Variants in EDNRB observed in about 807,000 individuals in gnomAD.
EDNRB encodes Hirschsprung disease 2.
Under a neutral mutation model 46.4 loss-of-function variants are expected in EDNRB, and 18 were observed. The observed-to-expected ratio is 0.39, with a 90% CI of 0.27 to 0.57. The LOEUF is 0.57. Ranked by LOEUF, EDNRB falls within the 20% of genes least tolerant of loss-of-function variation. The pLI is 0.61. For missense variants in EDNRB, 434 were observed against 537.5 expected (o/e 0.81, Z 1.90); for synonymous variants, 213 against 204.9 (o/e 1.04, Z -0.34).
At chr13:77,924,919 C>T (rs1213425044) in intron 1 of EDNRB, among the ~76,000 whole-genome samples, 1 of 152,204 alleles carries the variant, frequency 6.6e-6, no homozygotes, top group East Asian at 1.9e-4. Context: ...TTGCCTTCCA[C>T]CATGATTGTG....
At chr13:77,936,243 T>C (rs906541658) in intron 1 of EDNRB, among the ~76,000 whole-genome samples, 9 of 152,122 alleles carry the variant, frequency 5.9e-5, no homozygotes, top group Non-Finnish European at 4.4e-5. Context: ...CAATGAGGTG[T>C]GGCTGTAGCC....
chr13:77,902,675 C>T (rs12720186), intron 3 of EDNRB, among the ~76,000 whole-genome samples: 2 of 152,006 alleles, frequency 1.3e-5, no homozygotes, highest in African/African-American at 2.4e-5. Context: ...CGGTCCAACC[C>T]TACCCAATAG....
chr13:77,922,968 T>C (rs1471261322), upstream of EDNRB, among the ~76,000 whole-genome samples: 2 of 152,228 alleles, frequency 1.3e-5, no homozygotes, highest in Non-Finnish European at 2.9e-5. Flanking sequence ...TATCAGCTTC[T>C]ATAACTAAAA....
At chr13:77,928,453 C>T (rs1880299946) in intron 1 of EDNRB, among the ~76,000 whole-genome samples, 1 of 152,026 alleles carries the variant, frequency 6.6e-6, no homozygotes, top group African/African-American at 2.4e-5. Context: ...TTTCATGATA[C>T]TATTTTTTTG....
chr13:77,914,742 T>C (rs1263758553), intron 1 of EDNRB, among the ~76,000 whole-genome samples: 1 of 152,212 alleles, frequency 6.6e-6, no homozygotes, highest in Non-Finnish European at 1.5e-5. Context: ...AGATCAGACA[T>C]GTTTCCCAAT....
At position 77,897,036 on chromosome 13, in the gene EDNRB, G is replaced by T. The variant is rs1878664626; in HGVS notation, c.*1164C>A. The T allele has an allele frequency of 1.0e-6, 1 of 986,692 alleles. No individual in the cohort carries two copies. Among genetic ancestry groups the T allele is most frequent in the African/African-American group, 1.7e-5 (1 of 57,226 alleles). 61.1% of individuals were successfully genotyped at this position (986,692 alleles called of 1,614,324 possible). ...AGCTGTTAAATGTACTAATCTGTATGATTTTGAAAAATAGTATTTTAACTA... is the reference window on the plus strand; with the variant it reads ...AGCTGTTAAATGTACTAATCTGTATTATTTTGAAAAATAGTATTTTAACTA... On this transcript the variant is annotated 3_prime_UTR_variant, in exon 7 of 7. Transcript: ENST00000646607.
At chr13:77,902,835 T>C (rs1435736473) in intron 3 of EDNRB, among the ~76,000 whole-genome samples, 1 of 152,020 alleles carries the variant, frequency 6.6e-6, no homozygotes, top group East Asian at 1.9e-4. Flanking sequence ...GCCTGAGTGC[T>C]ATTTTCACTT....
At chr13:77,948,533 T>C (rs997692745) in intron 1 of EDNRB, among the ~76,000 whole-genome samples, 4 of 152,164 alleles carry the variant, frequency 2.6e-5, no homozygotes, top group Admixed American at 1.3e-4. Context: ...TTAAGAGGCT[T>C]TGCAAATGGA....
chr13:77,956,018 G>C (rs1315536920), intron 1 of EDNRB, among the ~76,000 whole-genome samples: 1 of 151,990 alleles, frequency 6.6e-6, no homozygotes, highest in Non-Finnish European at 1.5e-5. Context: ...GGGGTCTTTT[G>C]TGGCTCCAAA....
At chr13:77,911,596 A>C (rs1045820887) in intron 1 of EDNRB, among the ~76,000 whole-genome samples, 1 of 151,970 alleles carries the variant, frequency 6.6e-6, no homozygotes, top group African/African-American at 2.4e-5. Flanking sequence ...GAAATGCTTC[A>C]ATCAATTTTG....
chr13:77,896,991 T>C lies in EDNRB; in HGVS notation c.*1209A>G. 1 of 991,640 alleles carries C rather than the reference T, an allele frequency of 1.0e-6. No individual in the cohort carries two copies. The highest frequency in any genetic ancestry group is 1.1e-4 in the East Asian group (1 of 8,880). The allele number at this position is 991,640 out of a possible 1,614,324, so 61.4% of individuals were successfully genotyped here. ...CTATTTACAAAAATAATACAAAAAT[T>C]AGTAATAAGCTTTACAGGTAGCTGT... On this transcript the variant is annotated 3_prime_UTR_variant, in exon 7 of 7. Transcript: ENST00000646607.
intron 1 of EDNRB, among the ~76,000 whole-genome samples, chr13:77,966,244 G>C (rs1474617355): frequency 1.3e-5 from 2 of 152,020 alleles, no homozygotes; most frequent in Admixed American, 6.6e-5. Context: ...AGGAAGCAAG[G>C]GTCATACACT....
chr13:77,922,647 G>T (rs1880119317), upstream of EDNRB, among the ~76,000 whole-genome samples: 1 of 152,168 alleles, frequency 6.6e-6, no homozygotes, highest in Non-Finnish European at 1.5e-5. Flanking sequence ...AAAGTCAATA[G>T]CAAACAGCAT....
chr13:77,934,468 G>A (rs1880497092), intron 1 of EDNRB, among the ~76,000 whole-genome samples: 3 of 152,118 alleles, frequency 2.0e-5, no homozygotes, highest in Admixed American at 1.3e-4. Context: ...ACTGTATAGA[G>A]GTGGGAAGGC....
chr13:77,962,151 C>CA (rs1215890762), intron 1 of EDNRB, among the ~76,000 whole-genome samples: 1 of 152,030 alleles, frequency 6.6e-6, no homozygotes, highest in Non-Finnish European at 1.5e-5. Context: ...GCCTACCAAC[C>CA]AAAAAACGTC....
At chr13:77,935,808 T>C (rs1012342909) in intron 1 of EDNRB, among the ~76,000 whole-genome samples, 1 of 152,140 alleles carries the variant, frequency 6.6e-6, no homozygotes, top group Non-Finnish European at 1.5e-5. Context: ...AGAAAGCATG[T>C]TAGAGATCCA....
chr13:77,919,843 A>C, upstream of EDNRB: 1 of 527,368 alleles, frequency 1.9e-6, no homozygotes, highest in Non-Finnish European at 3.4e-6. Flanking sequence ...GACACCCGGC[A>C]GCTCCAGACT....
chr13:77,931,134 A>G (rs1202706191), intron 1 of EDNRB, among the ~76,000 whole-genome samples: 2 of 152,176 alleles, frequency 1.3e-5, no homozygotes, highest in African/African-American at 4.8e-5. Flanking sequence ...TACTAAAGCC[A>G]TCGTGTAAGG....
Position 77,898,265 on chromosome 13 carries a change from T to C in EDNRB, c.1264A>G (p.Lys422Glu), listed in dbSNP as rs200720978. The C allele has an allele frequency of 1.1e-4, 170 of 1,612,166 alleles. 1 individual carries two copies. The South Asian group carries it at 1.7e-3, about 17-fold the overall frequency. The change falls in exon 7 of 7, where the codon AAG becomes GAG. Residue 422 changes from lysine (K) to glutamate (E), a missense_variant. Transcript: ENST00000646607. ...QSLEEKQSCL[K>E]FKANDHGYDN... Reference sequence around the variant, plus strand: ...TATCCGTGATCATTAGCTTTGAACTTTAAGCACGACTGCTTTTCCTCCAAG... The same window carrying C: ...TATCCGTGATCATTAGCTTTGAACTCTAAGCACGACTGCTTTTCCTCCAAG...
Sources: allele counts gnomAD v4.1 joint callset (sites outside exome capture counted in the v4.1 genomes callset), GRCh38; gene constraint gnomAD v4.1.1; transcripts MANE v1.5; gene names NCBI Gene and HGNC (gene_info 2026-07-23, HGNC 2026-07-21).